The following RANBP2 variants were observed in gnomAD, a reference collection of about 807,000 sequenced individuals.
RANBP2 encodes RAN binding protein 2.
In RANBP2, 57 loss-of-function variants were observed where a neutral mutation model predicts 303.6. The observed-to-expected ratio is 0.19, with a 90% CI of 0.15 to 0.23. The LOEUF (loss-of-function observed/expected upper bound fraction) is 0.23. Ranked by LOEUF, RANBP2 falls within the 10% of genes least tolerant of loss-of-function variation. The probability of loss-of-function intolerance (pLI) is 1.00; values close to 1 mark genes in which losing one functional copy is unlikely to be tolerated. For synonymous variants in RANBP2, 1,167 were observed against 1,301.5 expected (o/e 0.90, Z 2.23); for missense variants, 3,138 against 3,780.8 (o/e 0.83, Z 4.46).
the RANBP2 span, among the ~76,000 whole-genome samples, chr2:109,722,463 G>C: frequency 1.3e-5 from 2 of 152,154 alleles, no homozygotes; most frequent in African/African-American, 4.8e-5. Context: ...ATTCCCCATT[G>C]GTCCTTCTCT....
the RANBP2 span, among the ~76,000 whole-genome samples, chr2:109,212,741 T>C: frequency 1.3e-5 from 2 of 152,202 alleles, no homozygotes; most frequent in East Asian, 3.9e-4. Flanking sequence ...TCTTTGCCCG[T>C]GGCCCAAAGC....
the RANBP2 span, among the ~76,000 whole-genome samples, chr2:109,136,626 A>G: frequency 1.3e-4 from 20 of 152,096 alleles, no homozygotes; most frequent in African/African-American, 4.6e-4. Context: ...CCTTTGGGAG[A>G]CCTGAAGGAG....
the RANBP2 span, among the ~76,000 whole-genome samples, chr2:109,230,684 G>T: frequency 1.3e-5 from 2 of 152,186 alleles, no homozygotes; most frequent in South Asian, 4.1e-4. Flanking sequence ...TCAGAAAATC[G>T]TAAGTCGGGG....
At chr2:109,581,518 A>G in the RANBP2 span, among the ~76,000 whole-genome samples, 1 of 150,720 alleles carries the variant, frequency 6.6e-6, no homozygotes, top group Admixed American at 6.8e-5. Flanking sequence ...AGAACTAAAG[A>G]AAGGTCTGGG....
the RANBP2 span, among the ~76,000 whole-genome samples, chr2:109,309,882 A>G: frequency 1.8e-3 from 214 of 116,648 alleles, 39 homozygotes; most frequent in African/African-American, 8.8e-3. Context: ...ACTCCCACAC[A>G]TTAATAATGG....
the RANBP2 span, among the ~76,000 whole-genome samples, chr2:109,149,873 G>A: frequency 6.6e-6 from 1 of 152,200 alleles, no homozygotes; most frequent in Non-Finnish European, 1.5e-5. Context: ...TTTTCTGCTC[G>A]TGGATATTTT....
At chr2:109,504,961 G>A in the RANBP2 span, among the ~76,000 whole-genome samples, 1 of 152,236 alleles carries the variant, frequency 6.6e-6, no homozygotes, top group Non-Finnish European at 1.5e-5. Flanking sequence ...CATGTGCCTG[G>A]AAGGGCAGGG....
At chr2:109,340,180 C>G in the RANBP2 span, among the ~76,000 whole-genome samples, 1 of 152,148 alleles carries the variant, frequency 6.6e-6, no homozygotes, top group Non-Finnish European at 1.5e-5. Context: ...GGTCAGACCA[C>G]CTGGATCCAG....
At chr2:108,852,913 C>G in the RANBP2 span, among the ~76,000 whole-genome samples, 16 of 152,090 alleles carry the variant, frequency 1.1e-4, no homozygotes, top group Non-Finnish European at 2.2e-4. Flanking sequence ...AAAAACCCAA[C>G]CATTACAGAA....
chr2:109,267,241 A>C, the RANBP2 span, among the ~76,000 whole-genome samples: 51,256 of 151,880 alleles, frequency 0.34, 9,694 homozygotes, highest in East Asian at 0.8. Context: ...AAGTGCATGT[A>C]AAGGCACACA....
At chr2:108,812,584 C>T in the RANBP2 span, 2 of 1,388,920 alleles carry the variant, frequency 1.4e-6, no homozygotes, top group Non-Finnish European at 2.0e-6. Context: ...TAGTATGAAA[C>T]CAGTTGAAGG....
the RANBP2 span, among the ~76,000 whole-genome samples, chr2:109,011,263 G>A: frequency 3.3e-5 from 5 of 152,180 alleles, no homozygotes; most frequent in Admixed American, 6.5e-5. Flanking sequence ...GGAATTCATA[G>A]GCTGTGAATG....
chr2:109,491,915 C>T, the RANBP2 span, among the ~76,000 whole-genome samples: 2 of 152,228 alleles, frequency 1.3e-5, no homozygotes, highest in Non-Finnish European at 2.9e-5. Flanking sequence ...TCCCAGACGC[C>T]ATTCCCAGTG....
chr2:109,288,955 A>T, the RANBP2 span, among the ~76,000 whole-genome samples: 2 of 152,182 alleles, frequency 1.3e-5, no homozygotes, highest in Non-Finnish European at 2.9e-5. Flanking sequence ...ATAAATTGAC[A>T]AATTTATTTG....
the RANBP2 span, chr2:109,613,082 C>A: frequency 1.4e-6 from 1 of 715,418 alleles, no homozygotes; most frequent in Non-Finnish European, 2.2e-6. Context: ...AGGCATCGGG[C>A]CTCCAAACGG....
At chr2:109,567,879 C>G in the RANBP2 span, 1 of 1,613,996 alleles carries the variant, frequency 6.2e-7, no homozygotes, top group Non-Finnish European at 8.5e-7. Flanking sequence ...TATCTGGACG[C>G]CATTGCTGAC....
At chr2:108,889,290 G>T in the RANBP2 span, among the ~76,000 whole-genome samples, 1 of 152,132 alleles carries the variant, frequency 6.6e-6, no homozygotes, top group Non-Finnish European at 1.5e-5. Context: ...AGAATGTTCT[G>T]TAAAGATCTG....
intron 4 of RANBP2, among the ~76,000 whole-genome samples, chr2:108,734,377 T>A (rs549005454): frequency 9.3e-4 from 142 of 152,212 alleles, no homozygotes; most frequent in African/African-American, 3.4e-3. Flanking sequence ...AGTACTAAAA[T>A]GGTATTTTGT....
the RANBP2 span, among the ~76,000 whole-genome samples, chr2:109,343,871 A>G: frequency 6.6e-6 from 1 of 151,900 alleles, no homozygotes; most frequent in Admixed American, 6.6e-5. Flanking sequence ...CAGCCTCCCA[A>G]TAGCTGAGAC....
Sources: allele counts gnomAD v4.1 joint callset (sites outside exome capture counted in the v4.1 genomes callset), GRCh38; gene constraint gnomAD v4.1.1; transcripts MANE v1.5; gene names NCBI Gene and HGNC (gene_info 2026-07-23, HGNC 2026-07-21).